KRT71: variants seen among roughly 807,000 people sequenced by gnomAD.
The protein encoded by KRT71 is keratin, type II cytoskeletal 71.
A neutral mutation model predicts 46.2 loss-of-function variants in KRT71; 42 were observed. That is an observed-to-expected ratio of 0.91 (90% CI 0.71 to 1.18). The LOEUF (loss-of-function observed/expected upper bound fraction) is 1.18. Ranked by LOEUF, KRT71 falls within the 50% of genes most tolerant of loss-of-function variation. KRT71 has a pLI of 0.00. For synonymous variants in KRT71, 292 were observed against 277.8 expected, an observed-to-expected ratio of 1.05 and a Z score of -0.51; for missense variants, 708 against 677.9, an observed-to-expected ratio of 1.04 and a Z score of -0.49.
Position 52,546,446 on chromosome 12 carries a change from C to A in KRT71, c.1165G>T (p.Asp389Tyr), listed in dbSNP as rs781550392. Reference protein sequence around the residue: ...AEQRGDNALKDARAKLDELEG... With the variant: ...AEQRGDNALKYARAKLDELEG... ...AGCTCGTCCAGCTTGGCCCGGGCATCCTTCAGGGCGTTGTCTCCCCGCTGC... is the reference window on the plus strand; with the variant it reads ...AGCTCGTCCAGCTTGGCCCGGGCATACTTCAGGGCGTTGTCTCCCCGCTGC... The change falls in exon 7 of 9, where the codon GAT (aspartate) becomes TAT (tyrosine). Residue 389 changes from aspartate to tyrosine, a missense_variant. Transcript: ENST00000267119. 12 of 1,614,220 alleles carry A rather than the reference C, an allele frequency of 7.4e-6. No individual in the cohort carries two copies. Among genetic ancestry groups the A allele is most frequent in the Non-Finnish European group, 9.3e-6 (11 of 1,180,040 alleles).
At chr12:52,546,907 T>G (rs1166603007) in intron 6 of KRT71, among the ~76,000 whole-genome samples, 1 of 152,156 alleles carries the variant, frequency 6.6e-6, no homozygotes, top group African/African-American at 2.4e-5. Flanking sequence ...GGCACCACAG[T>G]CGAGGGGGAC....
Position 52,546,313 on chromosome 12 carries a change from C to A in KRT71, c.1298G>T (p.Arg433Leu). The A allele has an allele frequency of 6.2e-7, 1 of 1,614,128 alleles. No homozygotes were observed. Among genetic ancestry groups the A allele is most frequent in the East Asian group, 2.2e-5 (1 of 44,860 alleles). ...GCACTCCTCGCTCTCCAGTAGCTTG[C>A]GATAGGTGGCGATCTCCATGTCCAG... ...LALDMEIATY[R>L]KLLESEECRM... is the part of the protein sequence containing the mutation. The change falls in exon 7 of 9, where the codon CGC (arginine) becomes CTC (leucine). Residue 433 changes from arginine to leucine, a missense_variant. Transcript: ENST00000267119.
chr12:52,548,721 A>G lies in KRT71; in HGVS notation c.793T>C (p.Phe265Leu). Residue 265 changes from phenylalanine to leucine, a missense_variant, in exon 4 of 9, where the codon TTC becomes CTC. By Grantham distance (22) the Phe-to-Leu change is conservative. Coordinates refer to ENST00000267119, the MANE Select transcript of KRT71 (RefSeq NM_033448.3). ...VESMDQEIKF[F>L]RCLFEAEITQ... is the part of the protein sequence containing the mutation. ...CTTACGGCTTCAAAGAGACACCTGA[A>G]GAACTTGATCTCCTGGTCCATGGAT... 1 of 1,614,204 alleles carries G rather than the reference A, an allele frequency of 6.2e-7. No individual in the cohort carries two copies. The highest frequency in any genetic ancestry group is 8.5e-7 in the Non-Finnish European group (1 of 1,180,018).
intron 8 of KRT71, among the ~76,000 whole-genome samples, chr12:52,545,331 C>T (rs1939040372): frequency 6.6e-6 from 1 of 152,214 alleles, no homozygotes; most frequent in South Asian, 2.1e-4. Context: ...AATAGCTTTC[C>T]ATTGCTGCCA....
At position 52,544,681 on chromosome 12, in the gene KRT71, C is replaced by T. The variant is rs370544556; in HGVS notation, c.1423G>A (p.Gly475Ser). 14 of 1,613,694 alleles carry T rather than the reference C, an allele frequency of 8.7e-6. No homozygotes were observed. The highest frequency in any genetic ancestry group is 1.3e-5 in the African/African-American group (1 of 74,920). The change falls in exon 9 of 9, where the codon GGC becomes AGC. Residue 475 changes from glycine (G) to serine (S), a missense_variant. By Grantham distance (56) the Gly-to-Ser change is moderately conservative. Coordinates refer to ENST00000267119, the MANE Select transcript of KRT71 (RefSeq NM_033448.3). ...CAGTTGCTGCTGTTGGCCACATAGC[C>T]ACCGCTGACCATGCTGGGCCGGAAG... ...YGFRPSMVSGGYVANSSNCIS... is the reference protein window; with the variant it reads ...YGFRPSMVSGSYVANSSNCIS...
At position 52,553,052 on chromosome 12, in the gene KRT71, G is replaced by C. The variant is rs1014275044; in HGVS notation, c.26C>G (p.Ser9Trp). The C allele has an allele frequency of 4.4e-6, 7 of 1,586,912 alleles. No individual in the cohort carries two copies. The highest frequency in any genetic ancestry group is 6.0e-6 in the Non-Finnish European group (7 of 1,165,070). The change falls in exon 1 of 9, where the codon TCG becomes TGG. Residue 9 changes from serine (S) to tryptophan (W), a missense_variant. Transcript: ENST00000267119. ...GAAGCCCCCCTTGGCGGCAGCTCCC[G>C]ACTTGCAGGTGAATTGGCGGCTCAT... is the stretch of plus-strand genomic sequence containing the variant. Reference protein sequence around the residue: MSRQFTCKSGAAAKGGFSG... With the variant: MSRQFTCKWGAAAKGGFSG...
At position 52,543,922 on chromosome 12, in the gene KRT71, T is replaced by G; in HGVS notation, c.*610A>C. ...GAGACCAAGCCATGAGATTGTGCTGTTTATTGAGGTTGCAACAGAGGAAGG... is the reference window on the plus strand; with the variant it reads ...GAGACCAAGCCATGAGATTGTGCTGGTTATTGAGGTTGCAACAGAGGAAGG... On this transcript the variant is annotated 3_prime_UTR_variant, in exon 9 of 9. Transcript: ENST00000267119. 1 of 156,418 alleles carries G rather than the reference T, an allele frequency of 6.4e-6. No homozygotes were observed. Among genetic ancestry groups the G allele is most frequent in the Non-Finnish European group, 1.4e-5 (1 of 70,368 alleles). The allele number at this position is 156,418 out of a possible 1,614,324, so 9.7% of individuals were successfully genotyped here. A position where few individuals can be genotyped will look rare whatever the true frequency, so the allele number is the denominator to read the frequency against.
At position 52,552,876 on chromosome 12, in the gene KRT71, C is replaced by A; in HGVS notation, c.202G>T (p.Gly68Cys). The change falls in exon 1 of 9, where the codon GGC (glycine) becomes TGC (cysteine). Residue 68 changes from glycine (G) to cysteine (C), a missense_variant. Gly to Cys is a radical substitution (Grantham distance 159). Coordinates refer to ENST00000267119, the MANE Select transcript of KRT71 (RefSeq NM_033448.3). The stretch of plus-strand genomic sequence containing the variant: ...GCCCGGCCCCGGCCAAATCCATAGC[C>A]TCCACTCTTCCCGCTGCCACTGGCC... ...NVASGSGKSG[G>C]YGFGRGRASG... The A allele has an allele frequency of 6.2e-7, 1 of 1,614,200 alleles. No individual in the cohort carries two copies. The highest frequency in any genetic ancestry group is 8.5e-7 in the Non-Finnish European group (1 of 1,180,042).
rs535982383 is a variant in KRT71 at position 52,550,120 on chromosome 12, G to A, written c.565C>T (p.Arg189Trp). The change falls in exon 2 of 9, where the codon CGG becomes TGG. Residue 189 changes from arginine (R) to tryptophan (W), a missense_variant. Physicochemically the swap from Arg to Trp is moderately radical, Grantham distance 101. Coordinates refer to ENST00000267119, the MANE Select transcript of KRT71 (RefSeq NM_033448.3). ...PILEGYISNL[R>W]KQLETLSGDR... is the part of the protein sequence containing the mutation. ...CCAGACAGCGTCTCCAGCTGCTTCC[G>A]CAGGTTGCTGATGTAGCCCTCGAGG... 34 of 1,614,082 alleles carry A rather than the reference G, an allele frequency of 2.1e-5. No homozygotes were observed. In the East Asian group the frequency reaches 5.3e-4, roughly 25 times the overall value.
chr12:52,550,876 C>A (rs1939157240), intron 1 of KRT71, among the ~76,000 whole-genome samples: 1 of 152,214 alleles, frequency 6.6e-6, no homozygotes, highest in Non-Finnish European at 1.5e-5. Context: ...ATACACACCT[C>A]TTGTTTGGTT....
chr12:52,549,601 G>A (rs963430675), intron 2 of KRT71, among the ~76,000 whole-genome samples: 27 of 152,248 alleles, frequency 1.8e-4, no homozygotes, highest in African/African-American at 6.5e-4. Flanking sequence ...AATGCCCTGT[G>A]GGACTCTCAG....
intron 7 of KRT71, among the ~76,000 whole-genome samples, chr12:52,545,934 C>T (rs769362591): frequency 6.6e-6 from 1 of 152,066 alleles, no homozygotes; most frequent in Non-Finnish European, 1.5e-5. Flanking sequence ...GGCACACCCC[C>T]AACAAGCTGC....
chr12:52,546,618 C>G, intron 6 of KRT71, 112 bp from the exon 7 acceptor site: 2 of 966,836 alleles, frequency 2.1e-6, no homozygotes, highest in South Asian at 3.3e-5. Flanking sequence ...CCACCCTACA[C>G]ACACCATCAC....
intron 1 of KRT71, among the ~76,000 whole-genome samples, chr12:52,551,143 G>A (rs1939161134): frequency 6.6e-6 from 1 of 152,154 alleles, no homozygotes; most frequent in Non-Finnish European, 1.5e-5. Context: ...AGTAAATCCT[G>A]CATCTGAGAC....
Position 52,548,748 on chromosome 12 carries a change from C to T in KRT71, c.766G>A (p.Glu256Lys), listed in dbSNP as rs1271293337. Residue 256 changes from glutamate to lysine, a missense_variant, in exon 4 of 9, where the codon GAA (glutamate) becomes AAA (lysine). By Grantham distance (56) the Glu-to-Lys change is moderately conservative. Transcript: ENST00000267119. Reference sequence around the variant, plus strand: ...AACTTGATCTCCTGGTCCATGGATTCCACCTTGGCCTGCAGTTCCACCTTA... The same window carrying T: ...AACTTGATCTCCTGGTCCATGGATTTCACCTTGGCCTGCAGTTCCACCTTA... The part of the protein sequence containing the change: ...ANKVELQAKV[E>K]SMDQEIKFFR... 1 of 1,614,212 alleles carries T rather than the reference C, an allele frequency of 6.2e-7. No individual in the cohort carries two copies. The highest frequency in any genetic ancestry group is 1.3e-5 in the African/African-American group (1 of 75,046).
At chr12:52,549,383 ATAT>A in intron 2 of KRT71, 30 bp from the exon 3 acceptor site, 1 of 1,584,062 alleles carries the variant, frequency 6.3e-7, no homozygotes, top group Non-Finnish European at 8.7e-7. Flanking sequence ...TCATTGGTTA[ATAT>A]CTCACTGAAA....
At chr12:52,546,067 A>G (rs1243064516) in intron 7 of KRT71, among the ~76,000 whole-genome samples, 1 of 151,952 alleles carries the variant, frequency 6.6e-6, no homozygotes, top group African/African-American at 2.4e-5. Flanking sequence ...ATAGCTTACT[A>G]CATAGCATAG....
chr12:52,544,784 G>T, intron 8 of KRT71, 41 bp from the exon 9 acceptor site: 1 of 1,543,374 alleles, frequency 6.5e-7, no homozygotes, highest in Non-Finnish European at 8.8e-7. Flanking sequence ...CAGGCAGAGA[G>T]CTGGGGAGGC....
chr12:52,547,722 T>G (rs1171973431), intron 6 of KRT71, 135 bp downstream of exon 6: 2 of 1,093,084 alleles, frequency 1.8e-6, no homozygotes, highest in Non-Finnish European at 2.6e-6. Context: ...CTCCAGGTGT[T>G]TGAGGCAGCG....
Sources: allele counts gnomAD v4.1 joint callset (sites outside exome capture counted in the v4.1 genomes callset), GRCh38; gene constraint gnomAD v4.1.1; transcripts MANE v1.5; gene names NCBI Gene and HGNC (gene_info 2026-07-23, HGNC 2026-07-21).